SEMA5A: variants seen among roughly 807,000 people sequenced by gnomAD.
The protein encoded by SEMA5A is semaphorin 5A.
In SEMA5A, 55 loss-of-function variants were observed where a neutral mutation model predicts 135.5. The ratio of observed to expected loss-of-function variants is 0.41; its 90% confidence interval spans 0.33 to 0.51. The LOEUF is 0.51. Among genes scored for constraint, SEMA5A ranks in the 20% least tolerant of loss-of-function variants. The probability of loss-of-function intolerance (pLI) is 0.37; values close to 1 mark genes in which losing one functional copy is unlikely to be tolerated. For missense variants in SEMA5A, 1,290 were observed against 1,419.9 expected (o/e 0.91, Z 1.47); for synonymous variants, 580 against 546.5 (o/e 1.06, Z -0.85).
intron 11 of SEMA5A, among the ~76,000 whole-genome samples, chr5:9,178,851 C>T (rs1165369283): frequency 6.6e-6 from 1 of 152,194 alleles, no homozygotes; most frequent in African/African-American, 2.4e-5. Context: ...AATTAGCAGT[C>T]AAGTGGGTCT....
intron 2 of SEMA5A, among the ~76,000 whole-genome samples, chr5:9,413,756 T>A (rs1024868541): frequency 2.6e-5 from 4 of 152,210 alleles, no homozygotes; most frequent in African/African-American, 9.6e-5. Flanking sequence ...ACAATGTTTT[T>A]GTTATACATA....
At chr5:9,526,521 T>G (rs60264770) in intron 1 of SEMA5A, among the ~76,000 whole-genome samples, 45,309 of 152,132 alleles carry the variant, frequency 0.3, 7,312 homozygotes, top group Non-Finnish European at 0.36. Flanking sequence ...AATTATCTAC[T>G]TAGAGAGACT....
At chr5:9,274,306 C>T (rs1178118445) in intron 5 of SEMA5A, among the ~76,000 whole-genome samples, 1 of 152,154 alleles carries the variant, frequency 6.6e-6, no homozygotes, top group Non-Finnish European at 1.5e-5. Flanking sequence ...AATATATATA[C>T]ATGCAATACA....
chr5:9,089,629 C>T (rs904044864), intron 16 of SEMA5A, among the ~76,000 whole-genome samples: 1 of 152,054 alleles, frequency 6.6e-6, no homozygotes, highest in African/African-American at 2.4e-5. Flanking sequence ...ATTTCTTTAC[C>T]TTGTTGCATT....
At chr5:9,378,028 G>A (rs1755439456) in intron 3 of SEMA5A, among the ~76,000 whole-genome samples, 1 of 152,146 alleles carries the variant, frequency 6.6e-6, no homozygotes, top group Middle Eastern at 3.2e-3. Flanking sequence ...ATTTCACCAT[G>A]TACAAGGATG....
chr5:9,448,244 T>G (rs773053545), intron 1 of SEMA5A, among the ~76,000 whole-genome samples: 7 of 152,220 alleles, frequency 4.6e-5, no homozygotes, highest in Non-Finnish European at 8.8e-5. Flanking sequence ...AGGAAAGTTC[T>G]AAGTTCACCA....
rs142401755 is a variant in SEMA5A, at chr5:9,509,015, A to G, written c.-175+36569T>C. On this transcript the variant is annotated intron_variant, in intron 1 of 22. Coordinates refer to ENST00000382496, the MANE Select transcript of SEMA5A (RefSeq NM_003966.3). ...GGCATGATAAATCAATGACTTAAAA[A>G]GAGAAGGGAGTTTACATAATCTGCA... Among the ~76,000 whole-genome samples, 963 of 152,174 alleles carry G rather than the reference A, an allele frequency of 6.3e-3. 1 individual carries two copies. Among genetic ancestry groups the G allele is most frequent in the Non-Finnish European group, 9.2e-3 (627 of 68,018 alleles).
rs970226252 is a variant in SEMA5A, at chr5:9,523,656, T to C, written c.-175+21928A>G. ...GAACTCTCTTTGTCAACAGTTGGTC[T>C]GGAGGAGGAGGCATACAGGCATACA... On this transcript the variant is annotated intron_variant, in intron 1 of 22. Transcript: ENST00000382496. Among the ~76,000 whole-genome samples, 4 of 152,180 alleles carry C rather than the reference T, an allele frequency of 2.6e-5. No individual in the cohort carries two copies. The East Asian group carries it at 5.8e-4, about 22-fold the overall frequency.
chr5:9,305,733 C>G (rs1227518451), intron 5 of SEMA5A, among the ~76,000 whole-genome samples: 1 of 74,048 alleles, frequency 1.4e-5, no homozygotes, highest in Non-Finnish European at 2.9e-5. Context: ...TATATTTACA[C>G]GCACACACAC....
chr5:9,232,252 G>A (rs1358067510), intron 6 of SEMA5A, among the ~76,000 whole-genome samples: 2 of 152,016 alleles, frequency 1.3e-5, no homozygotes, highest in African/African-American at 2.4e-5. Flanking sequence ...CCAGCCCGTC[G>A]CCCAGCCCAC....
chr5:9,195,334 T>G (rs537961200), intron 10 of SEMA5A, among the ~76,000 whole-genome samples: 5 of 152,196 alleles, frequency 3.3e-5, no homozygotes, highest in African/African-American at 1.2e-4. Flanking sequence ...CCTGGCTAAT[T>G]TTTTTTATTA....
intron 3 of SEMA5A, among the ~76,000 whole-genome samples, chr5:9,360,919 A>G (rs755691557): frequency 3.9e-5 from 6 of 152,212 alleles, no homozygotes; most frequent in Non-Finnish European, 7.3e-5. Flanking sequence ...GCAAAGGATT[A>G]AAAACATAGT....
intron 5 of SEMA5A, among the ~76,000 whole-genome samples, chr5:9,297,738 T>C (rs1751412266): frequency 6.6e-6 from 1 of 151,614 alleles, no homozygotes; most frequent in Non-Finnish European, 1.5e-5. Flanking sequence ...TTTTTTGTAT[T>C]TTTAGTAAAG....
In SEMA5A at chr5:9,146,663, G is replaced by A. The variant is rs574430609; in HGVS notation, c.1481+7825C>T. 1.4e-4 allele frequency among the ~76,000 whole-genome samples: 21 copies of A among 152,246 alleles called. No individual in the cohort carries two copies. The South Asian group carries it at 4.1e-3, about 30-fold the overall frequency. ...CTTCGGTTCAGTTCCATGACAGCAGGTGATTTTACTTACACCAGAATTTCT... is the reference window on the plus strand; with the variant it reads ...CTTCGGTTCAGTTCCATGACAGCAGATGATTTTACTTACACCAGAATTTCT... On this transcript the variant is annotated intron_variant, in intron 12 of 22. Coordinates refer to ENST00000382496, the MANE Select transcript of SEMA5A (RefSeq NM_003966.3).
intron 8 of SEMA5A, among the ~76,000 whole-genome samples, chr5:9,221,951 C>T (rs1747025585): frequency 6.6e-6 from 1 of 152,122 alleles, no homozygotes; most frequent in South Asian, 2.1e-4. Flanking sequence ...ACCTGAGGGC[C>T]TCACTGAAGA....
chr5:9,337,354 C>T (rs891166960), intron 4 of SEMA5A, among the ~76,000 whole-genome samples: 1 of 152,170 alleles, frequency 6.6e-6, no homozygotes, highest in African/African-American at 2.4e-5. Context: ...TCCATCTTTT[C>T]TTAGGCATAT....
chr5:9,342,951 C>G (rs1753713983), intron 3 of SEMA5A, among the ~76,000 whole-genome samples: 2 of 152,110 alleles, frequency 1.3e-5, no homozygotes, highest in Admixed American at 1.3e-4. Context: ...TCCTATACAG[C>G]ACATTTGGAA....
chr5:9,293,797 G>A (rs1446975267), intron 5 of SEMA5A, among the ~76,000 whole-genome samples: 1 of 152,142 alleles, frequency 6.6e-6, no homozygotes, highest in African/African-American at 2.4e-5. Context: ...ATAATGTTTA[G>A]GCTAGAGGTG....
At chr5:9,389,247 T>C (rs1756041260) in intron 2 of SEMA5A, among the ~76,000 whole-genome samples, 1 of 152,154 alleles carries the variant, frequency 6.6e-6, no homozygotes, top group Admixed American at 6.5e-5. Flanking sequence ...CTCCAACCTC[T>C]TCTGAATGTT....
Sources: gnomAD v4.1 joint callset for allele counts (sites outside exome capture counted in the v4.1 genomes callset) on GRCh38, gnomAD v4.1.1 for gene constraint, MANE v1.5 for transcripts, NCBI Gene and HGNC (gene_info 2026-07-23, HGNC 2026-07-21) for gene names.